The following JADE3 variants were observed in gnomAD, a reference collection of about 807,000 sequenced individuals.
JADE3 encodes the protein protein Jade-3.
A neutral mutation model predicts 50.1 loss-of-function variants in JADE3; 2 were observed. The ratio of observed to expected loss-of-function variants is 0.04; its 90% CI spans 0.02 to 0.13. JADE3 has a LOEUF of 0.13. JADE3 is among the 10% of genes least tolerant of loss of function. JADE3 has a pLI of 1.00. For missense variants in JADE3, 475 were observed against 634.4 expected (o/e 0.75, Z 2.70); for synonymous variants, 218 against 232.9 (o/e 0.94, Z 0.58).
At chrX:46,975,725 T>TC (rs1927609703) in intron 1 of JADE3, among the ~76,000 whole-genome samples, 2 of 82,188 alleles carry the variant, frequency 2.4e-5, no homozygotes, top group East Asian at 7.1e-4. Flanking sequence ...TTTTTTTTTT[T>TC]TTTTTTTTTT....
At chrX:47,004,357 T>C (rs1437143641) in intron 4 of JADE3, among the ~76,000 whole-genome samples, 1 of 112,547 alleles carries the variant, frequency 8.9e-6, no homozygotes, top group African/African-American at 3.2e-5. Context: ...TTAAAATGTT[T>C]GATGGAATTC....
chrX:46,952,746 C>T (rs1401047975), intron 1 of JADE3, among the ~76,000 whole-genome samples: 5 of 111,855 alleles, frequency 4.5e-5, no homozygotes, highest in Admixed American at 9.4e-5. Flanking sequence ...GCCTGTAATC[C>T]CAGCACTTTG....
chrX:47,017,902 A>G (rs1361409097), intron 4 of JADE3, among the ~76,000 whole-genome samples: 1 of 111,829 alleles, frequency 8.9e-6, no homozygotes, highest in East Asian at 2.8e-4. Flanking sequence ...AAACTGAACT[A>G]CTGATCTTCC....
At chrX:46,944,918 A>G (rs1926848951) in intron 1 of JADE3, among the ~76,000 whole-genome samples, 1 of 110,158 alleles carries the variant, frequency 9.1e-6, no homozygotes, top group Non-Finnish European at 1.9e-5. Context: ...ATTATGGCTC[A>G]GTACAGCCTC....
At chrX:46,917,929 G>A (rs184191696) in intron 1 of JADE3, among the ~76,000 whole-genome samples, 2 of 104,067 alleles carry the variant, frequency 1.9e-5, no homozygotes, top group Admixed American at 2.1e-4. Flanking sequence ...CTCATCCAGG[G>A]AAGCATATAG....
intron 4 of JADE3, among the ~76,000 whole-genome samples, chrX:47,001,203 T>C (rs1176574956): frequency 9.0e-6 from 1 of 111,692 alleles, no homozygotes; most frequent in African/African-American, 3.3e-5. Context: ...GCCTTTCCTA[T>C]GGAACAGTAA....
chrX:47,004,438 T>G (rs1256486495), intron 4 of JADE3, among the ~76,000 whole-genome samples: 3 of 111,722 alleles, frequency 2.7e-5, no homozygotes, highest in Non-Finnish European at 5.6e-5. Flanking sequence ...GAGTTCTTTT[T>G]TTTGTTTGTT....
intron 1 of JADE3, among the ~76,000 whole-genome samples, chrX:46,913,576 GT>G (rs1453567528): frequency 6.3e-5 from 7 of 110,992 alleles, no homozygotes; most frequent in Non-Finnish European, 1.1e-4. Flanking sequence ...GTTTTGTTTT[GT>G]TTTTTGTTTG....
chrX:46,939,696 G>A (rs1382532586), intron 1 of JADE3, among the ~76,000 whole-genome samples: 3 of 111,854 alleles, frequency 2.7e-5, no homozygotes, highest in Non-Finnish European at 3.8e-5. Flanking sequence ...GTGAGATACT[G>A]GTTTGAAATA....
At chrX:46,980,979 G>A (rs1556352898) in intron 1 of JADE3, among the ~76,000 whole-genome samples, 1 of 111,448 alleles carries the variant, frequency 9.0e-6, no homozygotes, top group African/African-American at 3.3e-5. Flanking sequence ...GACAGAAACA[G>A]GATCAGAGAG....
In JADE3 at chrX:47,058,633, T is replaced by A. The variant is rs1556374054; in HGVS notation, c.2028T>A (p.Asn676Lys). ...GCCTGGAGGGCAGCTGGTCTGGGAA[T>A]GTCACCCAAAAAGACAGCTCGAGTG... ...SNGLEGSWSG[N>K]VTQKDSSSEM... The change falls in exon 11 of 11, where the codon AAT becomes AAA. Residue 676 changes from asparagine (N) to lysine (K), a missense_variant. This residue lies in a region of JADE3 where 243 missense variants were observed against 238.2 expected (regional missense o/e 1.02). Coordinates refer to ENST00000614628, the MANE Select transcript of JADE3 (RefSeq NM_014735.5). The A allele has an allele frequency of 7.4e-6, 9 of 1,211,515 alleles. No homozygotes were observed. The highest frequency in any genetic ancestry group is 1.1e-6 in the Non-Finnish European group (1 of 895,435).
At chrX:46,917,832 A>C (rs1178059638) in intron 1 of JADE3, among the ~76,000 whole-genome samples, 51 of 7,991 alleles carry the variant, frequency 6.4e-3, no homozygotes, top group Non-Finnish European at 7.1e-3. Flanking sequence ...ACTCTCTCTC[A>C]TCCTCTCTCT....
intron 1 of JADE3, among the ~76,000 whole-genome samples, chrX:46,954,148 G>A (rs1200003507): frequency 1.3e-4 from 15 of 111,610 alleles, no homozygotes; most frequent in African/African-American, 4.2e-4. Context: ...CATTGTGGTG[G>A]TCTAGGCAGC....
At chrX:47,005,020 G>T (rs782670585) in intron 4 of JADE3, among the ~76,000 whole-genome samples, 2 of 111,610 alleles carry the variant, frequency 1.8e-5, no homozygotes, top group East Asian at 5.6e-4. Context: ...GACTTTGAAA[G>T]ATCAGGAGAA....
At chrX:46,926,767 C>A (rs1476901807) in intron 1 of JADE3, among the ~76,000 whole-genome samples, 2 of 112,417 alleles carry the variant, frequency 1.8e-5, no homozygotes, top group African/African-American at 6.5e-5. Context: ...AAACTGTAAT[C>A]TTTTGAGTCT....
intron 4 of JADE3, among the ~76,000 whole-genome samples, chrX:47,015,858 T>C (rs1928663943): frequency 9.3e-6 from 1 of 107,016 alleles, no homozygotes; most frequent in Admixed American, 1.0e-4. Context: ...TAGCTGGGAC[T>C]ACAGACGTGA....
Position 47,007,665 on chromosome X carries a change from A to G in JADE3, c.284+9388A>G, listed in dbSNP as rs147977684. Among the ~76,000 whole-genome samples, 605 of 111,359 alleles carry G rather than the reference A, an allele frequency of 5.4e-3. 1 individual carries two copies. Among genetic ancestry groups the G allele is most frequent in the African/African-American group, 0.019 (570 of 30,629 alleles). ...ACTTTCAACCTACTTATATCCTTAT[A>G]TTTTAAGTATGTTTTATTTAGACAG... On this transcript the variant is annotated intron_variant, in intron 4 of 10. Transcript: ENST00000614628.
intron 1 of JADE3, among the ~76,000 whole-genome samples, chrX:46,941,593 AT>A (rs1341338812): frequency 8.9e-6 from 1 of 111,838 alleles, no homozygotes; most frequent in African/African-American, 3.3e-5. Flanking sequence ...AATAATAGCC[AT>A]TCTGACTGGA....
At chrX:46,923,058 G>A (rs782728469) in intron 1 of JADE3, among the ~76,000 whole-genome samples, 86 of 110,774 alleles carry the variant, frequency 7.8e-4, no homozygotes, top group African/African-American at 2.6e-3. Flanking sequence ...CGTTACCCAG[G>A]CTGGAGTGCA....
Sources: allele counts gnomAD v4.1 joint callset (sites outside exome capture counted in the v4.1 genomes callset), GRCh38; gene constraint gnomAD v4.1.1; regional missense constraint gnomAD v4.1.1; transcripts MANE v1.5; gene names NCBI Gene and HGNC (gene_info 2026-07-23, HGNC 2026-07-21).